The following DPYSL2 variants were observed in gnomAD, a reference collection of about 807,000 sequenced individuals.
DPYSL2 encodes dihydropyrimidinase like 2.
DPYSL2 carries 13 observed loss-of-function variants against 69.9 expected under a neutral mutation model. The observed-to-expected ratio is 0.19, with a 90% confidence interval of 0.12 to 0.30. The LOEUF (loss-of-function observed/expected upper bound fraction) is 0.30. DPYSL2 is among the 10% of genes least tolerant of loss of function. DPYSL2 has a pLI of 1.00. For synonymous variants in DPYSL2, 326 were observed against 359.1 expected (o/e 0.91, Z 1.04); for missense variants, 587 against 918.9 (o/e 0.64, Z 4.67).
chr8:26,542,926 T>A lies in DPYSL2; in HGVS notation c.354+28247T>A, dbSNP rs564344664. On this transcript the variant is annotated intron_variant, in intron 1 of 13. Coordinates refer to ENST00000521913, the MANE Select transcript of DPYSL2 (RefSeq NM_001197293.3). ...ATGTATCATGCTTTTTCACACATCA[T>A]GAATATTTACCAATTTAAAATTCCA... Among the ~76,000 whole-genome samples, 125 of 152,298 alleles carry A rather than the reference T, an allele frequency of 8.2e-4. 1 individual carries two copies. The highest frequency in any genetic ancestry group is 2.8e-3 in the African/African-American group (116 of 41,564).
In DPYSL2 at chr8:26,647,853, A is replaced by G; in HGVS notation, c.1596+53A>G. ...ATCCAAACGAATTACAGTCACAGAG[A>G]CACAGACGGAGGGAGAGCCCCAGGG... On this transcript the variant is annotated intron_variant, in intron 11 of 13. Transcript: ENST00000521913. This position sits in a 1 kb window ranked among gnomAD's most constrained non-coding sequence, Gnocchi z 5.1. The G allele has an allele frequency of 6.5e-7, 1 of 1,546,210 alleles. No individual in the cohort carries two copies. The highest frequency in any genetic ancestry group is 8.7e-7 in the Non-Finnish European group (1 of 1,144,904).
chr8:26,636,866 T>C (rs1802931156), intron 8 of DPYSL2, among the ~76,000 whole-genome samples: 2 of 152,076 alleles, frequency 1.3e-5, no homozygotes, highest in South Asian at 4.2e-4. Flanking sequence ...TCAGCCTCCT[T>C]AGTTGCTGGG....
In DPYSL2 at chr8:26,589,314, C is replaced by T. The variant is rs565402750; in HGVS notation, c.628+5331C>T. On this transcript the variant is annotated intron_variant, in intron 3 of 13. Coordinates refer to ENST00000521913, the MANE Select transcript of DPYSL2 (RefSeq NM_001197293.3). ...CTCTTCGCAAACGTTGGGCTTTTAT[C>T]CCACAGCCCAGGTGGCATTCAGCCT... Among the ~76,000 whole-genome samples, 14 of 152,340 alleles carry T rather than the reference C, an allele frequency of 9.2e-5. No individual in the cohort carries two copies. In the South Asian group the frequency reaches 2.9e-3, roughly 32 times the overall value.
chr8:26,522,740 G>A (rs1808409155), intron 1 of DPYSL2, among the ~76,000 whole-genome samples: 1 of 152,062 alleles, frequency 6.6e-6, no homozygotes, highest in South Asian at 2.1e-4. Flanking sequence ...ATGTATTCTA[G>A]ATACTAGGCC....
intron 1 of DPYSL2, among the ~76,000 whole-genome samples, chr8:26,520,872 T>C (rs1273835363): frequency 6.6e-6 from 1 of 152,106 alleles, no homozygotes; most frequent in Non-Finnish European, 1.5e-5. Context: ...ATCTTCTCCT[T>C]GTGTCCTTAC....
rs1181056536 is a variant in DPYSL2, at chr8:26,610,936, A to G, written c.629-13207A>G. Among the ~76,000 whole-genome samples, 1 of 152,210 alleles carries G rather than the reference A, an allele frequency of 6.6e-6. No homozygotes were observed. Among genetic ancestry groups the G allele is most frequent in the East Asian group, 1.9e-4 (1 of 5,204 alleles). ...AAGAAACCTGAGGCCCTGACAGGGT[A>G]AGGAGTCCTAAGGTTCTGTAGCTAG... is the stretch of plus-strand genomic sequence containing the variant. On this transcript the variant is annotated intron_variant, in intron 3 of 13. Coordinates refer to ENST00000521913, the MANE Select transcript of DPYSL2 (RefSeq NM_001197293.3). This position sits in a 1 kb window ranked among gnomAD's most constrained non-coding sequence, Gnocchi z 4.5.
intron 1 of DPYSL2, among the ~76,000 whole-genome samples, chr8:26,527,371 G>C (rs1808497165): frequency 6.6e-6 from 1 of 152,148 alleles, no homozygotes; most frequent in Non-Finnish European, 1.5e-5. Flanking sequence ...TTTTAAGGAT[G>C]ATCTGTCCTA....
At position 26,642,210 on chromosome 8, in the gene DPYSL2, A is replaced by G. The variant is rs1402855061; in HGVS notation, c.1127-1229A>G. 6.6e-6 allele frequency among the ~76,000 whole-genome samples: 1 copy of G among 152,218 alleles called. No homozygotes were observed. Among genetic ancestry groups the G allele is most frequent in the African/African-American group, 2.4e-5 (1 of 41,458 alleles). On this transcript the variant is annotated intron_variant, in intron 8 of 13. Transcript: ENST00000521913. The surrounding 1 kb of genome is among the most constrained non-coding windows in gnomAD (Gnocchi z 5.3). Reference sequence around the variant, plus strand: ...GAGTGCCTACTATGTGCAGGCAGGTAAATGATCTTCAAGGTGTCTCCATCA... The same window carrying G: ...GAGTGCCTACTATGTGCAGGCAGGTGAATGATCTTCAAGGTGTCTCCATCA...
At chr8:26,570,638 G>T (rs372173908) in intron 1 of DPYSL2, among the ~76,000 whole-genome samples, 2 of 151,034 alleles carry the variant, frequency 1.3e-5, no homozygotes, top group South Asian at 2.1e-4. Context: ...AGAGGCTGAG[G>T]CATGAGAATC....
At chr8:26,579,045 T>A (rs1296653817) in intron 1 of DPYSL2, among the ~76,000 whole-genome samples, 1 of 152,164 alleles carries the variant, frequency 6.6e-6, no homozygotes, top group Non-Finnish European at 1.5e-5. Flanking sequence ...CCGCCCCTTC[T>A]GCCGCTCAGG....
intron 1 of DPYSL2, among the ~76,000 whole-genome samples, chr8:26,537,776 T>C (rs35916709): frequency 0.1 from 15,481 of 152,270 alleles, 879 homozygotes; most frequent in Non-Finnish European, 0.12. Context: ...AAAATTCACA[T>C]TGATACAATA....
Position 26,580,960 on chromosome 8 carries a change from T to C in DPYSL2, c.355-1009T>C, listed in dbSNP as rs756070694. 6.6e-6 allele frequency among the ~76,000 whole-genome samples: 1 copy of C among 152,220 alleles called. No homozygotes were observed. The highest frequency in any genetic ancestry group is 1.5e-5 in the Non-Finnish European group (1 of 68,036). ...CAGACTTTATCTGCTGCTTGTCCTT[T>C]ATTTTTTAGCATAAATATCACCGGT... is the stretch of plus-strand genomic sequence containing the variant. On this transcript the variant is annotated intron_variant, in intron 1 of 13. Coordinates refer to ENST00000521913, the MANE Select transcript of DPYSL2 (RefSeq NM_001197293.3). The surrounding 1 kb of genome is among the most constrained non-coding windows in gnomAD (Gnocchi z 4.1).
At chr8:26,613,491 G>T (rs981996619) in intron 3 of DPYSL2, among the ~76,000 whole-genome samples, 5 of 152,236 alleles carry the variant, frequency 3.3e-5, no homozygotes, top group Non-Finnish European at 7.3e-5. Context: ...GCCCATCCTG[G>T]CAGGTACAGT....
intron 3 of DPYSL2, among the ~76,000 whole-genome samples, chr8:26,604,601 G>A (rs1802067174): frequency 1.3e-5 from 2 of 152,110 alleles, no homozygotes; most frequent in African/African-American, 2.4e-5. Context: ...CTGCAGGGCC[G>A]ATGAAAAGTT....
intron 1 of DPYSL2, among the ~76,000 whole-genome samples, chr8:26,550,922 A>C (rs569726757): frequency 6.6e-5 from 10 of 152,298 alleles, no homozygotes; most frequent in Non-Finnish European, 1.3e-4. Flanking sequence ...CAAGGGCAGG[A>C]GAAAATGGAT....
chr8:26,634,709 G>A (rs533188376), intron 7 of DPYSL2, 71 bp from the exon 8 acceptor site: 23 of 1,610,936 alleles, frequency 1.4e-5, no homozygotes, highest in East Asian at 2.2e-5. Flanking sequence ...CTCTCTCTGG[G>A]GTGGAGGATA....
At position 26,644,760 on chromosome 8, in the gene DPYSL2, A is replaced by G. The variant is rs569161032; in HGVS notation, c.1425+669A>G. On this transcript the variant is annotated intron_variant, in intron 10 of 13. Transcript: ENST00000521913. This position sits in a 1 kb window ranked among gnomAD's most constrained non-coding sequence, Gnocchi z 4.5. ...TCGTCTACTCTTGGAAATGGGCTCA[A>G]TTTCCTTAAAAGTGTCTTTTAGGGC... is the stretch of plus-strand genomic sequence containing the variant. Among the ~76,000 whole-genome samples the G allele has an allele frequency of 6.6e-6, 1 of 152,132 alleles. No individual in the cohort carries two copies. The highest frequency in any genetic ancestry group is 6.5e-5 in the Admixed American group (1 of 15,280).
At chr8:26,569,365 C>CAAAAAAAAAA (rs1261164777) in intron 1 of DPYSL2, among the ~76,000 whole-genome samples, 1 of 88,794 alleles carries the variant, frequency 1.1e-5, no homozygotes, top group Non-Finnish European at 2.0e-5. Context: ...AAAAAAAAAA[C>CAAAAAAAAAA]AAAAACAAAA....
chr8:26,607,440 G>A (rs550765035), intron 3 of DPYSL2, among the ~76,000 whole-genome samples: 165 of 149,126 alleles, frequency 1.1e-3, no homozygotes, highest in African/African-American at 3.7e-3. Context: ...CTGAGATTGC[G>A]CCACTGCACT....
Sources: allele counts gnomAD v4.1 joint callset (sites outside exome capture counted in the v4.1 genomes callset), GRCh38; gene constraint gnomAD v4.1.1; non-coding constraint Gnocchi (gnomAD v3.1); transcripts MANE v1.5; gene names NCBI Gene and HGNC (gene_info 2026-07-23, HGNC 2026-07-21).